Variants in ZNF682 observed in about 807,000 individuals in gnomAD.
The protein encoded by ZNF682 is zinc finger protein 682.
A neutral mutation model predicts 36.5 loss-of-function variants in ZNF682; 29 were observed. That is an observed-to-expected ratio of 0.80 (90% CI 0.59 to 1.08). The LOEUF (loss-of-function observed/expected upper bound fraction) is 1.08. ZNF682 is among the 50% of genes least tolerant of loss of function. The pLI, the probability that ZNF682 is intolerant of heterozygous loss-of-function variation, is 0.00. For missense variants in ZNF682, 561 were observed against 579.7 expected (o/e 0.97, Z 0.33); for synonymous variants, 180 against 197.0 (o/e 0.91, Z 0.72).
At chr19:20,033,598 GCT>G in intron 1 of ZNF682, 1 of 152,632 alleles carries the variant, frequency 6.6e-6, no homozygotes, top group Non-Finnish European at 1.5e-5. Context: ...TGTCACCCAG[GCT>G]AAAGTGCAGT....
downstream of ZNF682, among the ~76,000 whole-genome samples, chr19:20,003,110 G>A (rs1043020450): frequency 1.5e-5 from 2 of 137,216 alleles, no homozygotes; most frequent in African/African-American, 2.7e-5. Context: ...AGAATGGCGT[G>A]CACCCGGGAG....
Position 20,005,814 on chromosome 19 carries a change from G to GA in ZNF682, c.*190dup. The GA allele has an allele frequency of 1.8e-6, 1 of 571,148 alleles. No individual in the cohort carries two copies. The highest frequency in any genetic ancestry group is 3.5e-5 in the Admixed American group (1 of 28,504). 35.4% of individuals were successfully genotyped at this position (571,148 alleles called of 1,614,324 possible). A position where few individuals can be genotyped will look rare whatever the true frequency, so the allele number is the denominator to read the frequency against. ...TGCTTTGCCACATTCTTTAAAATCA[G>GA]AATTTTTCTCAGCATGAATTTTCTT... On this transcript the variant is annotated 3_prime_UTR_variant, in exon 4 of 4. Transcript: ENST00000397165.
At chr19:20,009,044 A>G (rs1458335968) in intron 3 of ZNF682, among the ~76,000 whole-genome samples, 1 of 152,170 alleles carries the variant, frequency 6.6e-6, no homozygotes, top group African/African-American at 2.4e-5. Context: ...TTAACACCCC[A>G]TCCAAATGAC....
downstream of ZNF682, among the ~76,000 whole-genome samples, chr19:20,002,459 G>A (rs1478162513): frequency 1.3e-5 from 2 of 152,136 alleles, no homozygotes; most frequent in African/African-American, 4.8e-5. Context: ...GAAGGCTGTG[G>A]TTAGGCTCCA....
Position 20,006,391 on chromosome 19 carries a change from A to C in ZNF682, c.1111T>G (p.Cys371Gly). 1 of 1,613,106 alleles carries C rather than the reference A, an allele frequency of 6.2e-7. No individual in the cohort carries two copies. The highest frequency in any genetic ancestry group is 8.5e-7 in the Non-Finnish European group (1 of 1,179,828). ...TTAAAGACTTTGTCACATTTTTCACATTTGTAGGGTTTCTCTCCGCTATGA... is the reference window on the plus strand; with the variant it reads ...TTAAAGACTTTGTCACATTTTTCACCTTTGTAGGGTTTCTCTCCGCTATGA... ...VIHSGEKPYKCEKCDKVFKRF... is the reference protein window; with the variant it reads ...VIHSGEKPYKGEKCDKVFKRF... Residue 371 changes from cysteine to glycine, a missense_variant, in exon 4 of 4, where the codon TGT becomes GGT. By Grantham distance (159) the Cys-to-Gly change is radical (BLOSUM62 -3). Coordinates refer to ENST00000397165, the MANE Select transcript of ZNF682 (RefSeq NM_033196.3).
At chr19:20,012,093 A>G (rs1032688169) in intron 3 of ZNF682, among the ~76,000 whole-genome samples, 10 of 152,142 alleles carry the variant, frequency 6.6e-5, no homozygotes, top group African/African-American at 2.4e-4. Context: ...TGGCAAAAGC[A>G]GTGTTAGGAG....
chr19:19,995,944 C>A (rs115678493), downstream of ZNF682, among the ~76,000 whole-genome samples: 1 of 152,200 alleles, frequency 6.6e-6, no homozygotes, highest in Non-Finnish European at 1.5e-5. Flanking sequence ...TTCCAGTGCC[C>A]TGTGCTCCCT....
In ZNF682 at chr19:20,007,105, G is replaced by T; in HGVS notation, c.397C>A (p.Leu133Ile). The T allele has an allele frequency of 6.2e-7, 1 of 1,613,428 alleles. No individual in the cohort carries two copies. The highest frequency in any genetic ancestry group is 8.5e-7 in the Non-Finnish European group (1 of 1,179,980). The change falls in exon 4 of 4, where the codon CTT (leucine) becomes ATT (isoleucine). Residue 133 changes from leucine to isoleucine, a missense_variant. Coordinates refer to ENST00000397165, the MANE Select transcript of ZNF682 (RefSeq NM_033196.3). ...CKDQKEIYNG[L>I]NQCLSTLPSK... ...GGTAGAGTTGACAAACATTGGTTAAGTCCATTATAAATTTCTTTTTGATCC... is the reference window on the plus strand; with the variant it reads ...GGTAGAGTTGACAAACATTGGTTAATTCCATTATAAATTTCTTTTTGATCC...
chr19:20,002,378 G>T (rs2088174172), downstream of ZNF682, among the ~76,000 whole-genome samples: 1 of 150,968 alleles, frequency 6.6e-6, no homozygotes, highest in Non-Finnish European at 1.5e-5. Flanking sequence ...GCCGATCTTT[G>T]TCCTTCACAC....
At chr19:20,011,179 A>G (rs891720580) in intron 3 of ZNF682, among the ~76,000 whole-genome samples, 13 of 152,220 alleles carry the variant, frequency 8.5e-5, no homozygotes, top group Non-Finnish European at 1.8e-4. Flanking sequence ...TTGTATTAAT[A>G]AAACAGATTT....
At chr19:20,031,187 G>A (rs1381002679) in intron 1 of ZNF682, 1 of 152,222 alleles carries the variant, frequency 6.6e-6, no homozygotes, top group Non-Finnish European at 1.5e-5. Flanking sequence ...GATATCACCT[G>A]TCCTTAATCA....
intron 1 of ZNF682, among the ~76,000 whole-genome samples, chr19:20,036,709 G>A (rs879893252): frequency 6.7e-6 from 1 of 149,218 alleles, no homozygotes; most frequent in Admixed American, 6.8e-5. Context: ...GCTCATGCCT[G>A]TAATCCCAGC....
chr19:20,003,190 CAAAAAAA>C (rs755953644), downstream of ZNF682, among the ~76,000 whole-genome samples: 8 of 33,082 alleles, frequency 2.4e-4, no homozygotes, highest in African/African-American at 6.8e-4. Flanking sequence ...GACTCCGTCT[CAAAAAAA>C]AAAAAAAAAA....
downstream of ZNF682, among the ~76,000 whole-genome samples, chr19:19,999,889 G>C (rs192643468): frequency 1.1e-4 from 17 of 152,310 alleles, no homozygotes; most frequent in Non-Finnish European, 2.2e-4. Context: ...TTCCCTAGGA[G>C]GTAGATGCTA....
At chr19:20,022,286 G>A (rs542791958) in intron 3 of ZNF682, among the ~76,000 whole-genome samples, 34 of 151,524 alleles carry the variant, frequency 2.2e-4, no homozygotes, top group Admixed American at 8.6e-4. Context: ...ACCAAATACC[G>A]TTATCACGAA....
downstream of ZNF682, among the ~76,000 whole-genome samples, chr19:20,000,378 G>A (rs896231607): frequency 1.3e-5 from 2 of 152,168 alleles, no homozygotes; most frequent in East Asian, 1.9e-4. Context: ...AGCCTTCTCC[G>A]ATAATGCAGA....
At chr19:20,012,640 C>T (rs1446263913) in intron 3 of ZNF682, among the ~76,000 whole-genome samples, 2 of 151,596 alleles carry the variant, frequency 1.3e-5, no homozygotes, top group South Asian at 2.1e-4. Flanking sequence ...TGGTGGCGGG[C>T]GCCTGTAGTC....
At chr19:20,010,615 C>T (rs1380963316) in intron 3 of ZNF682, among the ~76,000 whole-genome samples, 3 of 151,456 alleles carry the variant, frequency 2.0e-5, no homozygotes, top group Non-Finnish European at 2.9e-5. Flanking sequence ...GCTGATATCG[C>T]GCCTGCACTC....
intron 3 of ZNF682, chr19:20,008,012 C>G (rs1812585081): frequency 6.6e-6 from 1 of 152,402 alleles, no homozygotes; most frequent in East Asian, 1.9e-4. Context: ...GAAGGGTGCC[C>G]ACAGCATGGC....
Sources: gnomAD v4.1 joint callset for allele counts (sites outside exome capture counted in the v4.1 genomes callset) on GRCh38, gnomAD v4.1.1 for gene constraint, MANE v1.5 for transcripts, NCBI Gene and HGNC (gene_info 2026-07-23, HGNC 2026-07-21) for gene names.